TNNT3: variants seen among roughly 807,000 people sequenced by gnomAD.
TNNT3 encodes the protein troponin T, fast skeletal muscle.
Under a neutral mutation model 54.2 loss-of-function variants are expected in TNNT3, and 36 were observed. That is an observed-to-expected ratio of 0.66 (90% confidence interval 0.51 to 0.88). The LOEUF is 0.88. Among genes scored for constraint, TNNT3 ranks in the 40% least tolerant of loss-of-function variants. The pLI is 0.00. For synonymous variants in TNNT3, 120 were observed against 109.7 expected, an observed-to-expected ratio of 1.09 and a Z score of -0.59; for missense variants, 291 against 331.6, an observed-to-expected ratio of 0.88 and a Z score of 0.95.
At chr11:1,935,150 C>T in intron 14 of TNNT3, 1 of 605,836 alleles carries the variant, frequency 1.7e-6, no homozygotes, top group Non-Finnish European at 3.0e-6. Context: ...GAGCGATGAA[C>T]CTGGCCCCTT....
intron 14 of TNNT3, chr11:1,935,179 C>A: frequency 1.7e-6 from 1 of 571,596 alleles, no homozygotes; most frequent in Non-Finnish European, 3.1e-6. Context: ...CTTGGTTACC[C>A]CTGCCAAAAG....
chr11:1,920,518 C>G lies in TNNT3; in HGVS notation c.-19+756C>G, dbSNP rs371165433. ...ACACGGTCCCCCTGACTTGTGCCGT[C>G]TGATCAGGCCTTGGCTGCCCCTCCT... On this transcript the variant is annotated intron_variant, in intron 1 of 15. Coordinates refer to ENST00000278317, the MANE Select transcript of TNNT3 (RefSeq NM_006757.4). Among the ~76,000 whole-genome samples, 13 of 139,538 alleles carry G rather than the reference C, an allele frequency of 9.3e-5. No homozygotes were observed. The East Asian group carries it at 3.3e-3, about 35-fold the overall frequency. The allele number at this position is 139,538 out of a possible 152,430, so 91.5% of individuals were successfully genotyped here.
intron 6 of TNNT3, among the ~76,000 whole-genome samples, chr11:1,927,084 G>A (rs1272658507): frequency 4.6e-5 from 7 of 152,312 alleles, no homozygotes; most frequent in South Asian, 2.1e-4. Context: ...TGGGAAGAGC[G>A]CAGGAGAGGC....
Position 1,938,257 on chromosome 11 carries a change from C to T in TNNT3, c.723-181C>T, listed in dbSNP as rs541776214. ...CCTAACCACACTAACGACCTAGGCCCGCCAGGCACAGGTGAGTGGGCACTG... is the reference window on the plus strand; with the variant it reads ...CCTAACCACACTAACGACCTAGGCCTGCCAGGCACAGGTGAGTGGGCACTG... On this transcript the variant is annotated intron_variant, in intron 15 of 15. Transcript: ENST00000278317. The T allele has an allele frequency of 1.3e-4, 93 of 700,062 alleles. 1 individual carries two copies. The highest frequency in any genetic ancestry group is 9.3e-4 in the South Asian group (59 of 63,384). 43.4% of individuals were successfully genotyped at this position (700,062 alleles called of 1,614,324 possible). A position where few individuals can be genotyped will look rare whatever the true frequency, so the allele number is the denominator to read the frequency against.
rs544242657 is a variant in TNNT3, at chr11:1,924,689, G to A, written c.50-410G>A. Among the ~76,000 whole-genome samples, 8 of 152,280 alleles carry A rather than the reference G, an allele frequency of 5.3e-5. No homozygotes were observed. In the East Asian group the frequency reaches 1.4e-3, roughly 26 times the overall value. ...ACCCCTCAGTGCCAGCCTTGTTTCC[G>A]GGTGCACTCAGAGCCGGGGCTTCCC... On this transcript the variant is annotated intron_variant, in intron 4 of 15. Transcript: ENST00000278317.
chr11:1,926,313 C>A (rs553514565), intron 5 of TNNT3, among the ~76,000 whole-genome samples: 1 of 152,318 alleles, frequency 6.6e-6, no homozygotes, highest in East Asian at 1.9e-4. Flanking sequence ...GGTGGCCGCG[C>A]CTGGGCTAAC....
At chr11:1,931,409 G>A (rs759030506) in intron 8 of TNNT3, among the ~76,000 whole-genome samples, 1 of 152,250 alleles carries the variant, frequency 6.6e-6, no homozygotes, top group Non-Finnish European at 1.5e-5. Context: ...GGATGTGAGC[G>A]GGTCTGTGTC....
Position 1,933,807 on chromosome 11 carries a change from G to A in TNNT3, c.258G>A (p.Glu86=). The change falls in exon 10 of 16, where the codon GAG becomes GAA. Residue 86 remains glutamate (E), a synonymous_variant. Transcript: ENST00000278317. The part of the protein sequence containing the change: ...DSHFEARKKE[E]EELVALKERI... The stretch of plus-strand genomic sequence containing the variant: ...ACTTTGAAGCCCGGAAGAAGGAGGA[G>A]GAGGAGCTGGTCGCTCTCAAAGAGA... 6.2e-7 allele frequency: 1 copy of A among 1,612,896 alleles called. No individual in the cohort carries two copies.
At chr11:1,937,736 G>T (rs748797681) in intron 15 of TNNT3, among the ~76,000 whole-genome samples, 5 of 152,212 alleles carry the variant, frequency 3.3e-5, no homozygotes, top group Admixed American at 6.5e-5. Flanking sequence ...CCCAGGGCGG[G>T]CTCCTCCGTG....
Position 1,929,980 on chromosome 11 carries a change from G to A in TNNT3, c.125+152G>A, listed in dbSNP as rs74049812. Reference sequence around the variant, plus strand: ...GGGGTCCTGGCAGGCCCAGCGCCTCGTGTGTTCCGTGGTGGAGGCGGAGGA... The same window carrying A: ...GGGGTCCTGGCAGGCCCAGCGCCTCATGTGTTCCGTGGTGGAGGCGGAGGA... On this transcript the variant is annotated intron_variant, in intron 8 of 15. Transcript: ENST00000278317. The A allele has an allele frequency of 1.6e-3, 1,730 of 1,109,246 alleles. 30 individuals carry two copies. In the African/African-American group the frequency reaches 0.018, roughly 12 times the overall value. 68.7% of individuals were successfully genotyped at this position (1,109,246 alleles called of 1,614,324 possible).
At chr11:1,929,027 C>T (rs776257437) in intron 6 of TNNT3, 93 bp from the exon 7 acceptor site, 83 of 1,443,370 alleles carry the variant, frequency 5.8e-5, no homozygotes, top group Admixed American at 1.8e-4. Context: ...GGGGTGGGCC[C>T]CTTGCCCGCC....
intron 14 of TNNT3, chr11:1,935,334 C>A (rs1362987069): frequency 1.2e-5 from 4 of 323,460 alleles, no homozygotes. Context: ...TTCGACAGAG[C>A]CTCCTCCACA....
intron 1 of TNNT3, 43 bp from the exon 2 acceptor site, chr11:1,922,810 CTCTT>C: frequency 6.3e-7 from 1 of 1,586,418 alleles, no homozygotes; most frequent in South Asian, 1.1e-5. Context: ...GCTCGTAACT[CTCTT>C]TCCATCCTCT....
intron 5 of TNNT3, chr11:1,925,385 C>T: frequency 7.5e-7 from 1 of 1,335,388 alleles, no homozygotes; most frequent in Non-Finnish European, 1.0e-6. Flanking sequence ...GAGGTACCAG[C>T]CAGCCAAGGG....
chr11:1,926,459 G>C, intron 5 of TNNT3: 16 of 1,613,162 alleles, frequency 9.9e-6, no homozygotes, highest in Non-Finnish European at 1.4e-5. Flanking sequence ...TGGCCTCCTT[G>C]GCCCGTGAAG....
chr11:1,923,099 T>G, intron 3 of TNNT3, 38 bp downstream of exon 3: 1 of 1,612,574 alleles, frequency 6.2e-7, no homozygotes, highest in Non-Finnish European at 8.5e-7. Flanking sequence ...CTTCCTGCTC[T>G]AGAAGGAAGG....
intron 8 of TNNT3, 31 bp from the exon 9 acceptor site, chr11:1,932,438 C>G (rs1484463076): frequency 6.2e-7 from 1 of 1,612,524 alleles, no homozygotes; most frequent in South Asian, 1.1e-5. Flanking sequence ...CTCCGGGTCT[C>G]TGCTCACGGG....
chr11:1,926,758 C>T (rs1046675673), intron 6 of TNNT3, 49 bp downstream of exon 6: 1 of 1,611,626 alleles, frequency 6.2e-7, no homozygotes, highest in South Asian at 1.1e-5. Context: ...GTCCTCCCTT[C>T]TGTCCTCTCT....
At chr11:1,925,049 T>C (rs1851146642) in intron 4 of TNNT3, 50 bp from the exon 5 acceptor site, 1 of 1,607,968 alleles carries the variant, frequency 6.2e-7, no homozygotes, top group Non-Finnish European at 8.5e-7. Flanking sequence ...CTCTGTTCCC[T>C]GTCTCCCTCA....
Sources: gnomAD v4.1 joint callset for allele counts (sites outside exome capture counted in the v4.1 genomes callset) on GRCh38, gnomAD v4.1.1 for gene constraint, MANE v1.5 for transcripts, NCBI Gene and HGNC (gene_info 2026-07-23, HGNC 2026-07-21) for gene names.